TMEM178B: variants seen among roughly 807,000 people sequenced by gnomAD.
TMEM178B encodes the protein transmembrane protein 178B.
In TMEM178B, 5 loss-of-function variants were observed where a neutral mutation model predicts 31.0. That is an observed-to-expected ratio of 0.16 (90% CI 0.08 to 0.34). The LOEUF (loss-of-function observed/expected upper bound fraction) is 0.34, where lower values mean the gene tolerates loss of function less well. Among genes scored for constraint, TMEM178B ranks in the 10% least tolerant of loss-of-function variants. TMEM178B has a pLI of 1.00. For missense variants in TMEM178B, 275 were observed against 400.3 expected, an observed-to-expected ratio of 0.69 and a Z score of 2.67; for synonymous variants, 164 against 164.0, an observed-to-expected ratio of 1.00 and a Z score of 0.00.
At chr7:141,212,974 T>C (rs1797073867) in intron 2 of TMEM178B, among the ~76,000 whole-genome samples, 1 of 152,226 alleles carries the variant, frequency 6.6e-6, no homozygotes, top group South Asian at 2.1e-4. Flanking sequence ...CTTATTTCAC[T>C]ACCCTGGTAG....
chr7:141,117,557 G>T (rs1469981219), intron 1 of TMEM178B, among the ~76,000 whole-genome samples: 3 of 152,080 alleles, frequency 2.0e-5, no homozygotes, highest in Non-Finnish European at 4.4e-5. Flanking sequence ...CATTGCTTTT[G>T]GTGTTTTAGT....
At chr7:141,156,781 A>G (rs6950676) in intron 1 of TMEM178B, among the ~76,000 whole-genome samples, 101,438 of 152,032 alleles carry the variant, frequency 0.67, 34,207 homozygotes, top group Middle Eastern at 0.72. Context: ...TTGATGAGAT[A>G]GGGTGGGATG....
chr7:141,198,850 C>T (rs112286207), intron 1 of TMEM178B, among the ~76,000 whole-genome samples: 9,707 of 152,288 alleles, frequency 0.064, 955 homozygotes, highest in African/African-American at 0.21. Context: ...GTGTCTGCAC[C>T]GGGCGTGTGG....
intron 1 of TMEM178B, among the ~76,000 whole-genome samples, chr7:141,080,899 G>C (rs1008170187): frequency 6.6e-6 from 1 of 152,190 alleles, no homozygotes; most frequent in East Asian, 1.9e-4. Context: ...TTGGGTTGAG[G>C]CTGGTGTAAA....
the TMEM178B span, among the ~76,000 whole-genome samples, chr7:141,495,101 A>G: frequency 4.1e-3 from 628 of 152,324 alleles, 7 homozygotes; most frequent in African/African-American, 0.015. Flanking sequence ...TAAGATCCTG[A>G]TTTTGGGATT....
chr7:141,102,578 C>T (rs996179576), intron 1 of TMEM178B, among the ~76,000 whole-genome samples: 1 of 152,178 alleles, frequency 6.6e-6, no homozygotes, highest in Non-Finnish European at 1.5e-5. Flanking sequence ...CAGAAACGTG[C>T]TAGTTTCTAA....
chr7:141,340,104 G>C (rs910659236), intron 2 of TMEM178B, among the ~76,000 whole-genome samples: 1 of 152,228 alleles, frequency 6.6e-6, no homozygotes, highest in Non-Finnish European at 1.5e-5. Context: ...TAAGTTAGGA[G>C]AGATTTGAAG....
chr7:141,498,138 A>G, the TMEM178B span, among the ~76,000 whole-genome samples: 194 of 152,314 alleles, frequency 1.3e-3, no homozygotes, highest in Admixed American at 3.7e-3. Flanking sequence ...GGAAGAGACA[A>G]AGCCTGACCT....
chr7:141,438,697 A>G (rs891598627), intron 3 of TMEM178B, among the ~76,000 whole-genome samples: 1 of 36,194 alleles, frequency 2.8e-5, no homozygotes, highest in Non-Finnish European at 4.6e-5. Flanking sequence ...CGTCTCTACT[A>G]AAAAAAAAAA....
intron 2 of TMEM178B, among the ~76,000 whole-genome samples, chr7:141,375,796 A>G (rs1170247259): frequency 6.6e-6 from 1 of 152,222 alleles, no homozygotes; most frequent in East Asian, 1.9e-4. Flanking sequence ...AGGGAGGCTC[A>G]CTTACAAGGG....
At chr7:141,509,711 C>T in the TMEM178B span, among the ~76,000 whole-genome samples, 10 of 152,150 alleles carry the variant, frequency 6.6e-5, no homozygotes, top group African/African-American at 2.4e-4. Flanking sequence ...GGGAAAGGTA[C>T]ACTGAGCAGA....
chr7:141,369,316 CGTGT>C (rs55960871), intron 2 of TMEM178B, among the ~76,000 whole-genome samples: 40,372 of 138,156 alleles, frequency 0.29, 4,833 homozygotes, highest in South Asian at 0.32. Context: ...TCCGCGCCGA[CGTGT>C]GTGTGTGTGT....
At chr7:141,438,084 T>C (rs1158070696) in intron 3 of TMEM178B, among the ~76,000 whole-genome samples, 1 of 152,094 alleles carries the variant, frequency 6.6e-6, no homozygotes, top group African/African-American at 2.4e-5. Flanking sequence ...AGGAAGTACT[T>C]GGGCATTTCA....
chr7:141,085,537 A>G (rs1316320121), intron 1 of TMEM178B, among the ~76,000 whole-genome samples: 1 of 91,082 alleles, frequency 1.1e-5, no homozygotes, highest in Non-Finnish European at 2.7e-5. Flanking sequence ...GGTCATCGTC[A>G]TGCATTTATA....
chr7:141,100,547 G>T (rs1235127096), intron 1 of TMEM178B, among the ~76,000 whole-genome samples: 1 of 152,096 alleles, frequency 6.6e-6, no homozygotes, highest in African/African-American at 2.4e-5. Flanking sequence ...ATCATCATGT[G>T]TTTGTATTAT....
chr7:141,184,108 A>G (rs1187644223), intron 1 of TMEM178B, among the ~76,000 whole-genome samples: 1 of 152,244 alleles, frequency 6.6e-6, no homozygotes, highest in South Asian at 2.1e-4. Flanking sequence ...AGCACAGGCT[A>G]TCAGCCATTA....
At chr7:141,381,716 G>A (rs1414705634) in intron 2 of TMEM178B, among the ~76,000 whole-genome samples, 1 of 152,184 alleles carries the variant, frequency 6.6e-6, no homozygotes, top group Admixed American at 6.5e-5. Context: ...TGGTTGGCAA[G>A]GATAGGAGCG....
At chr7:141,298,499 G>C (rs1420620096) in intron 2 of TMEM178B, among the ~76,000 whole-genome samples, 1 of 152,224 alleles carries the variant, frequency 6.6e-6, no homozygotes, top group Non-Finnish European at 1.5e-5. Flanking sequence ...TGGCAGTGGA[G>C]AGAGATCTGG....
At chr7:141,135,935 GAT>G (rs1408867087) in intron 1 of TMEM178B, among the ~76,000 whole-genome samples, 1 of 151,512 alleles carries the variant, frequency 6.6e-6, no homozygotes, top group Admixed American at 6.6e-5. Flanking sequence ...TTTTTGAAAA[GAT>G]AAATAAAATT....
Sources: gnomAD v4.1 joint callset for allele counts (sites outside exome capture counted in the v4.1 genomes callset) on GRCh38, gnomAD v4.1.1 for gene constraint, MANE v1.5 for transcripts, NCBI Gene and HGNC (gene_info 2026-07-23, HGNC 2026-07-21) for gene names.